The following RAB6A variants were observed in gnomAD, a reference collection of about 807,000 sequenced individuals.
The protein encoded by RAB6A is RAB6A, member RAS oncogene family.
Under a neutral mutation model 32.3 loss-of-function variants are expected in RAB6A, and 8 were observed. The ratio of observed to expected loss-of-function variants is 0.25; its 90% CI spans 0.15 to 0.45. The LOEUF (loss-of-function observed/expected upper bound fraction) is 0.45, where lower values mean the gene tolerates loss of function less well. Among genes scored for constraint, RAB6A ranks in the 20% least tolerant of loss-of-function variants. The probability of loss-of-function intolerance (pLI) is 1.00; values close to 1 mark genes in which losing one functional copy is unlikely to be tolerated. For synonymous variants in RAB6A, 73 were observed against 82.1 expected (o/e 0.89, Z 0.60); for missense variants, 104 against 249.4 (o/e 0.42, Z 3.93).
chr11:73,687,790 G>A (rs550795876), intron 6 of RAB6A, among the ~76,000 whole-genome samples: 1 of 152,222 alleles, frequency 6.6e-6, no homozygotes, highest in South Asian at 2.1e-4. Context: ...CCGGGAGGCG[G>A]AGGTTGCAGT....
chr11:73,730,847 T>G, intron 1 of RAB6A, 24 bp from the exon 2 acceptor site: 5 of 1,584,788 alleles, frequency 3.2e-6, no homozygotes, highest in Non-Finnish European at 4.3e-6. Context: ...AAAAAAAGAT[T>G]TGCTCAGTGA....
chr11:73,724,776 G>A (rs1246457245), intron 2 of RAB6A, among the ~76,000 whole-genome samples: 1 of 152,176 alleles, frequency 6.6e-6, no homozygotes, highest in African/African-American at 2.4e-5. Flanking sequence ...GTGAGCCACT[G>A]CGCCTGGCCT....
intron 1 of RAB6A, among the ~76,000 whole-genome samples, chr11:73,735,679 C>G (rs1029279134): frequency 6.6e-6 from 1 of 152,008 alleles, no homozygotes; most frequent in Non-Finnish European, 1.5e-5. Context: ...TTTTTCCAAT[C>G]TTATTTGGAA....
chr11:73,699,639 A>G (rs1291470582), intron 6 of RAB6A, among the ~76,000 whole-genome samples: 1 of 152,108 alleles, frequency 6.6e-6, no homozygotes, highest in African/African-American at 2.4e-5. Flanking sequence ...TGTATGACCC[A>G]TTCTTTACTG....
intron 1 of RAB6A, among the ~76,000 whole-genome samples, chr11:73,759,463 G>C (rs147175790): frequency 1.1e-3 from 168 of 152,172 alleles, no homozygotes; most frequent in Middle Eastern, 3.4e-3. Context: ...TCATCAGACA[G>C]TACAGAATAT....
At chr11:73,688,181 GT>G (rs1335551467) in intron 6 of RAB6A, among the ~76,000 whole-genome samples, 2 of 152,152 alleles carry the variant, frequency 1.3e-5, no homozygotes, top group African/African-American at 2.4e-5. Context: ...ATCATTCTTT[GT>G]CAAATTTTCA....
chr11:73,740,306 A>G (rs1946475290), intron 1 of RAB6A, among the ~76,000 whole-genome samples: 1 of 152,160 alleles, frequency 6.6e-6, no homozygotes, highest in South Asian at 2.1e-4. Flanking sequence ...AAAAGACACT[A>G]TCTAGTCATT....
At chr11:73,718,841 A>G in intron 3 of RAB6A, 123 bp from the exon 4 acceptor site, 1 of 1,601,428 alleles carries the variant, frequency 6.2e-7, no homozygotes, top group Non-Finnish European at 8.5e-7. Flanking sequence ...ACTGGGAATG[A>G]GGCTACGGAA....
At chr11:73,738,540 T>A (rs1337358648) in intron 1 of RAB6A, among the ~76,000 whole-genome samples, 1 of 152,070 alleles carries the variant, frequency 6.6e-6, no homozygotes, top group African/African-American at 2.4e-5. Flanking sequence ...TAGCCCCAGC[T>A]ACTTGGGAGG....
intron 6 of RAB6A, among the ~76,000 whole-genome samples, chr11:73,690,872 G>A (rs1945544913): frequency 7.9e-6 from 1 of 127,136 alleles, no homozygotes. Context: ...ACAAAATGCA[G>A]CTTCTTTTAT....
At chr11:73,718,019 T>A (rs1475060031) in intron 4 of RAB6A, among the ~76,000 whole-genome samples, 4 of 152,222 alleles carry the variant, frequency 2.6e-5, no homozygotes, top group East Asian at 3.8e-4. Context: ...TCACCTCCTA[T>A]TTAAAATTTT....
chr11:73,737,624 T>C (rs1360122280), intron 1 of RAB6A, among the ~76,000 whole-genome samples: 3 of 152,180 alleles, frequency 2.0e-5, no homozygotes, highest in Non-Finnish European at 1.5e-5. Flanking sequence ...TACAATGGGA[T>C]GAAGTATTGA....
intron 6 of RAB6A, among the ~76,000 whole-genome samples, chr11:73,694,996 A>T (rs1945634129): frequency 6.6e-6 from 1 of 152,214 alleles, no homozygotes; most frequent in Non-Finnish European, 1.5e-5. Flanking sequence ...AGCCTGGGCA[A>T]CACGCAAGAC....
chr11:73,743,956 C>A (rs572062563), intron 1 of RAB6A, among the ~76,000 whole-genome samples: 1 of 152,260 alleles, frequency 6.6e-6, no homozygotes, highest in African/African-American at 2.4e-5. Context: ...CTCATGCCTG[C>A]AATCCCAGCA....
chr11:73,705,554 AAAAT>A (rs1945825279), intron 6 of RAB6A, among the ~76,000 whole-genome samples: 1 of 152,152 alleles, frequency 6.6e-6, no homozygotes. Context: ...CTCAAATAAA[AAAAT>A]AAATAAATAT....
intron 2 of RAB6A, among the ~76,000 whole-genome samples, chr11:73,728,610 AAATAATAATAAT>A (rs71065031): frequency 4.4e-5 from 6 of 136,484 alleles, no homozygotes; most frequent in African/African-American, 1.4e-4. Context: ...GTCTTTGTTT[AAATAATAATAAT>A]AATAATAATA....
At chr11:73,684,165 GTTGT>G (rs770029819) in intron 6 of RAB6A, among the ~76,000 whole-genome samples, 2 of 79,112 alleles carry the variant, frequency 2.5e-5, no homozygotes, top group African/African-American at 9.2e-5. Flanking sequence ...TACATACATT[GTTGT>G]TTTTTTTTTT....
In RAB6A at chr11:73,676,190, A is replaced by ATGAGGAAGT. The variant is rs1189869913; in HGVS notation, c.*1699_*1707dup. ...TTTAAGGTTTTGTTCCAATGAGGGGATGAGGAAGTATGAAGATATTTTTGT... is the reference window on the plus strand; with the variant it reads ...TTTAAGGTTTTGTTCCAATGAGGGGATGAGGAAGTTGAGGAAGTATGAAGATATTTTTGT... On this transcript the variant is annotated 3_prime_UTR_variant, in exon 8 of 8. Transcript: ENST00000336083. 4 of 167,096 alleles carry ATGAGGAAGT rather than the reference A, an allele frequency of 2.4e-5. No homozygotes were observed. The highest frequency in any genetic ancestry group is 1.5e-5 in the Non-Finnish European group (1 of 68,114). 10.4% of individuals were successfully genotyped at this position (167,096 alleles called of 1,614,324 possible).
Position 73,715,974 on chromosome 11 carries a change from T to C in RAB6A, c.401+277A>G, listed in dbSNP as rs78971272. On this transcript the variant is annotated intron_variant, in intron 5 of 7. Transcript: ENST00000336083. ...CAAAACACTTTTCATACTTATGAGATCTAAAAAAAGCAAAATATTTACTGG... is the reference window on the plus strand; with the variant it reads ...CAAAACACTTTTCATACTTATGAGACCTAAAAAAAGCAAAATATTTACTGG... 5.3e-3 allele frequency among the ~76,000 whole-genome samples: 809 copies of C among 152,302 alleles called. 7 individuals carry two copies. Among genetic ancestry groups the C allele is most frequent in the African/African-American group, 0.018 (738 of 41,564 alleles).
Sources: gnomAD v4.1 joint callset for allele counts (sites outside exome capture counted in the v4.1 genomes callset) on GRCh38, gnomAD v4.1.1 for gene constraint, MANE v1.5 for transcripts, NCBI Gene and HGNC (gene_info 2026-07-23, HGNC 2026-07-21) for gene names.